AMPH: variants seen among roughly 807,000 people sequenced by gnomAD.
AMPH encodes the protein amphiphysin (Stiff-Mann syndrome with breast cancer 128kD autoantigen).
In AMPH, 49 loss-of-function variants were observed where a neutral mutation model predicts 99.1. The ratio of observed to expected loss-of-function variants is 0.49; its 90% CI spans 0.39 to 0.63. AMPH has a LOEUF of 0.63. AMPH is among the 20% of genes least tolerant of loss of function. The pLI is 0.00. For synonymous variants in AMPH, 314 were observed against 317.3 expected (o/e 0.99, Z 0.11); for missense variants, 759 against 863.4 (o/e 0.88, Z 1.52).
chr7:38,515,113 C>T (rs878915831), intron 2 of AMPH, among the ~76,000 whole-genome samples: 2 of 151,848 alleles, frequency 1.3e-5, no homozygotes, highest in Non-Finnish European at 2.9e-5. Flanking sequence ...ATGTCTCAGA[C>T]AAAAAAGAGG....
chr7:38,467,556 G>C (rs536768289), intron 7 of AMPH, among the ~76,000 whole-genome samples: 2 of 152,022 alleles, frequency 1.3e-5, no homozygotes, highest in Non-Finnish European at 2.9e-5. Context: ...ATGCACAGTG[G>C]TAGGTGAACA....
intron 1 of AMPH, among the ~76,000 whole-genome samples, chr7:38,613,079 C>G (rs937168738): frequency 6.6e-6 from 1 of 152,102 alleles, no homozygotes; most frequent in African/African-American, 2.4e-5. Context: ...CTGCATTTTG[C>G]TAAAGTCGAA....
chr7:38,525,277 T>TATATATATATATATAGAG (rs1481528083), intron 2 of AMPH, among the ~76,000 whole-genome samples: 82 of 86,618 alleles, frequency 9.5e-4, no homozygotes, highest in African/African-American at 2.8e-3. Context: ...TATATATATA[T>TATATATATATATATAGAG]AGAGAGAGAG....
At chr7:38,432,687 C>T (rs1056595793) in intron 12 of AMPH, among the ~76,000 whole-genome samples, 1 of 151,940 alleles carries the variant, frequency 6.6e-6, no homozygotes, top group Admixed American at 6.6e-5. Flanking sequence ...TGAGGAAATG[C>T]AGGCCCTAAT....
At chr7:38,400,442 T>C (rs1270659790) in intron 17 of AMPH, among the ~76,000 whole-genome samples, 2 of 152,374 alleles carry the variant, frequency 1.3e-5, no homozygotes, top group East Asian at 3.9e-4. Flanking sequence ...AATTATGGCA[T>C]TCATGCCAGG....
At chr7:38,529,454 G>T (rs1790313251) in intron 2 of AMPH, among the ~76,000 whole-genome samples, 1 of 152,234 alleles carries the variant, frequency 6.6e-6, no homozygotes, top group Admixed American at 6.5e-5. Context: ...GACATCACCT[G>T]CATTGAAGGC....
chr7:38,403,353 C>T (rs927779490), intron 17 of AMPH, among the ~76,000 whole-genome samples: 2 of 152,330 alleles, frequency 1.3e-5, no homozygotes, highest in Non-Finnish European at 2.9e-5. Context: ...CAGAGAGCAC[C>T]TCTGCCCTTG....
intron 1 of AMPH, among the ~76,000 whole-genome samples, chr7:38,629,073 T>G (rs948914302): frequency 6.6e-6 from 1 of 151,830 alleles, no homozygotes; most frequent in Non-Finnish European, 1.5e-5. Context: ...GGATGAAGAG[T>G]CTTCTCTGGA....
chr7:38,471,590 G>A (rs1352419686), intron 7 of AMPH, among the ~76,000 whole-genome samples: 1 of 152,070 alleles, frequency 6.6e-6, no homozygotes, highest in Non-Finnish European at 1.5e-5. Context: ...GGCACACGAA[G>A]CAATTACCAA....
intron 5 of AMPH, among the ~76,000 whole-genome samples, chr7:38,481,086 C>T (rs1434622015): frequency 6.6e-6 from 1 of 152,050 alleles, no homozygotes; most frequent in Non-Finnish European, 1.5e-5. Context: ...GGATAGCTTA[C>T]CATGGTAGAA....
At chr7:38,462,920 G>T in intron 10 of AMPH, 55 bp downstream of exon 10, 1 of 1,494,442 alleles carries the variant, frequency 6.7e-7, no homozygotes, top group Non-Finnish European at 8.9e-7. Flanking sequence ...CCTAGATGGG[G>T]CCACCTTCAT....
intron 5 of AMPH, among the ~76,000 whole-genome samples, chr7:38,486,274 T>C (rs1788490647): frequency 6.7e-6 from 1 of 149,042 alleles, no homozygotes; most frequent in East Asian, 2.0e-4. Flanking sequence ...ACTGATGCCA[T>C]AGAAATAAAA....
chr7:38,383,837 G>C lies in AMPH; in HGVS notation c.*981C>G, dbSNP rs1041804281. On this transcript the variant is annotated 3_prime_UTR_variant, in exon 21 of 21. Transcript: ENST00000356264. ...TTAGAACAATCTGTGAAGATGAGTT[G>C]CATAAATAGAAAGAGGTGGAAATAT... 1 of 152,608 alleles carries C rather than the reference G, an allele frequency of 6.6e-6. No homozygotes were observed. The highest frequency in any genetic ancestry group is 1.9e-4 in the East Asian group (1 of 5,192). The allele number at this position is 152,608 out of a possible 1,614,324, so 9.5% of individuals were successfully genotyped here.
At chr7:38,491,960 C>T (rs921210375) in intron 4 of AMPH, among the ~76,000 whole-genome samples, 7 of 152,150 alleles carry the variant, frequency 4.6e-5, no homozygotes, top group Non-Finnish European at 8.8e-5. Flanking sequence ...ATTTCAATTC[C>T]CCCAGTTATA....
chr7:38,429,675 A>G (rs1785928676), intron 14 of AMPH, 167 bp downstream of exon 14: 4 of 1,301,218 alleles, frequency 3.1e-6, no homozygotes, highest in African/African-American at 1.5e-5. Context: ...TCTTCAGGCG[A>G]GTAGCACCAG....
chr7:38,425,244 G>A (rs1266407899), intron 15 of AMPH, among the ~76,000 whole-genome samples: 1 of 152,198 alleles, frequency 6.6e-6, no homozygotes, highest in African/African-American at 2.4e-5. Flanking sequence ...GGAAGAGCCA[G>A]TGAGAACAGC....
Position 38,510,638 on chromosome 7 carries a change from A to T in AMPH, c.151-6934T>A, listed in dbSNP as rs1282521473. ...ACTTGCCCAAAGTCACACATCTAATAGGTGGTAAGCCAGAATTGGAATTCA... is the reference window on the plus strand; with the variant it reads ...ACTTGCCCAAAGTCACACATCTAATTGGTGGTAAGCCAGAATTGGAATTCA... On this transcript the variant is annotated intron_variant, in intron 2 of 20. Transcript: ENST00000356264. 1.3e-5 allele frequency among the ~76,000 whole-genome samples: 2 copies of T among 152,156 alleles called. 1 individual carries two copies.
chr7:38,460,048 C>T (rs1169873913), intron 11 of AMPH, among the ~76,000 whole-genome samples: 1 of 151,980 alleles, frequency 6.6e-6, no homozygotes, highest in East Asian at 1.9e-4. Context: ...AGACATTTCT[C>T]AAAAGAAAAC....
chr7:38,404,799 A>C (rs772038555), intron 17 of AMPH, among the ~76,000 whole-genome samples: 1 of 152,234 alleles, frequency 6.6e-6, no homozygotes, highest in Non-Finnish European at 1.5e-5. Flanking sequence ...GGAATGATTC[A>C]GAAAAGTTTT....
Sources: gnomAD v4.1 joint callset for allele counts (sites outside exome capture counted in the v4.1 genomes callset) on GRCh38, gnomAD v4.1.1 for gene constraint, MANE v1.5 for transcripts, NCBI Gene and HGNC (gene_info 2026-07-23, HGNC 2026-07-21) for gene names.